Variants in MBNL1 observed in about 807,000 individuals in gnomAD.
MBNL1 encodes muscleblind-like protein 1.
In MBNL1, 8 loss-of-function variants were observed where a neutral mutation model predicts 42.2. That is an observed-to-expected ratio of 0.19 (90% confidence interval 0.11 to 0.34). The LOEUF is 0.34. MBNL1 is among the 10% of genes least tolerant of loss of function. The pLI is 1.00. For synonymous variants in MBNL1, 169 were observed against 173.9 expected (o/e 0.97, Z 0.22); for missense variants, 309 against 495.3 (o/e 0.62, Z 3.57).
chr3:152,306,272 C>T (rs566960964), intron 2 of MBNL1, among the ~76,000 whole-genome samples: 26 of 152,334 alleles, frequency 1.7e-4, no homozygotes, highest in African/African-American at 6.3e-4. Flanking sequence ...CTACCCTCCC[C>T]AGCATTTGGT....
rs558363288 is a variant in MBNL1, at chr3:152,411,536, A to G, written c.175-3405A>G. On this transcript the variant is annotated intron_variant, in intron 2 of 9. Transcript: ENST00000324210. ...CTCCGTCTCAAAAACAAAACAAAAC[A>G]AAAAAAACTGAAGACATATTTATAT... Among the ~76,000 whole-genome samples the G allele has an allele frequency of 1.5e-3, 221 of 152,096 alleles. 1 individual carries two copies. Among genetic ancestry groups the G allele is most frequent in the Admixed American group, 3.3e-3 (50 of 15,256 alleles).
intron 2 of MBNL1, among the ~76,000 whole-genome samples, chr3:152,332,737 T>TGCGCGC (rs1410406495): frequency 1.1e-3 from 115 of 104,718 alleles, no homozygotes; most frequent in East Asian, 2.3e-3. Flanking sequence ...TGTGTGTGTG[T>TGCGCGC]GTGCGCGCGC....
intron 1 of MBNL1, among the ~76,000 whole-genome samples, chr3:152,285,321 G>GT (rs1192591733): frequency 6.6e-6 from 1 of 152,188 alleles, no homozygotes; most frequent in African/African-American, 2.4e-5. Context: ...CGTGAATGAA[G>GT]TTTTACATTT....
At chr3:152,414,699 A>G (rs73154190) in intron 2 of MBNL1, among the ~76,000 whole-genome samples, 5 of 152,326 alleles carry the variant, frequency 3.3e-5, no homozygotes, top group African/African-American at 4.8e-5. Flanking sequence ...TAATGCTAAT[A>G]TTATTAAAAT....
At chr3:152,322,616 G>A (rs2077096887) in intron 2 of MBNL1, among the ~76,000 whole-genome samples, 1 of 151,882 alleles carries the variant, frequency 6.6e-6, no homozygotes, top group African/African-American at 2.4e-5. Context: ...TAACAAGATT[G>A]GTATGAGTTA....
chr3:152,460,185 T>C (rs1272276269), intron 9 of MBNL1, among the ~76,000 whole-genome samples: 1 of 151,600 alleles, frequency 6.6e-6, no homozygotes, highest in Non-Finnish European at 1.5e-5. Context: ...GCCCAGGAGG[T>C]TGAGGCTGCA....
intron 2 of MBNL1, among the ~76,000 whole-genome samples, chr3:152,369,448 A>G (rs2096567384): frequency 1.3e-5 from 2 of 152,190 alleles, no homozygotes; most frequent in South Asian, 4.1e-4. Flanking sequence ...GAAGTTCATC[A>G]GGGATATTGG....
intron 2 of MBNL1, among the ~76,000 whole-genome samples, chr3:152,392,219 A>G (rs906832160): frequency 7.2e-5 from 11 of 152,258 alleles, no homozygotes; most frequent in African/African-American, 2.6e-4. Flanking sequence ...GGGTCTTAAT[A>G]TTTTTTTAAA....
At chr3:152,424,566 A>G (rs552122197) in intron 3 of MBNL1, among the ~76,000 whole-genome samples, 45 of 152,198 alleles carry the variant, frequency 3.0e-4, no homozygotes, top group Admixed American at 2.8e-3. Context: ...AGAATTAGAA[A>G]AAAAAAAAAA....
chr3:152,369,545 C>G (rs1473237356), intron 2 of MBNL1, among the ~76,000 whole-genome samples: 1 of 151,974 alleles, frequency 6.6e-6, no homozygotes, highest in East Asian at 1.9e-4. Flanking sequence ...ATGGAGGAGT[C>G]CCTCTTTTTA....
intron 2 of MBNL1, among the ~76,000 whole-genome samples, chr3:152,351,178 C>A (rs536355296): frequency 2.0e-5 from 3 of 151,580 alleles, no homozygotes; most frequent in Admixed American, 6.6e-5. Flanking sequence ...GAAGTTGTAA[C>A]TATAATTCAT....
intron 2 of MBNL1, among the ~76,000 whole-genome samples, chr3:152,361,240 A>G (rs1362734493): frequency 1.3e-5 from 2 of 152,086 alleles, no homozygotes; most frequent in Non-Finnish European, 2.9e-5. Flanking sequence ...TCTTACCCTT[A>G]AAGAATCTCA....
At chr3:152,289,064 C>T (rs2054311225) in intron 1 of MBNL1, among the ~76,000 whole-genome samples, 1 of 151,432 alleles carries the variant, frequency 6.6e-6, no homozygotes. Flanking sequence ...GGTGGAAGTA[C>T]ATATTCGTAA....
At chr3:152,434,134 G>T (rs2099046688) in intron 4 of MBNL1, among the ~76,000 whole-genome samples, 1 of 152,060 alleles carries the variant, frequency 6.6e-6, no homozygotes, top group Non-Finnish European at 1.5e-5. Flanking sequence ...TTGGTGTAGA[G>T]ATTATTTCAT....
At chr3:152,386,993 TAA>T (rs1275247437) in intron 2 of MBNL1, among the ~76,000 whole-genome samples, 1 of 152,136 alleles carries the variant, frequency 6.6e-6, no homozygotes, top group Non-Finnish European at 1.5e-5. Context: ...TGCAGTGTTG[TAA>T]AAATAGATTA....
In MBNL1 at chr3:152,270,565, G is replaced by A. The variant is rs189527303; in HGVS notation, c.-790+1473G>A. Among the ~76,000 whole-genome samples the A allele has an allele frequency of 3.9e-5, 6 of 152,186 alleles. No homozygotes were observed. The East Asian group carries it at 9.7e-4, about 25-fold the overall frequency. Reference sequence around the variant, plus strand: ...AAATATTATCACCCAGAGAGAAAATGAAAGTTCAACGACTGTAAAATTTAT... The same window carrying A: ...AAATATTATCACCCAGAGAGAAAATAAAAGTTCAACGACTGTAAAATTTAT... On this transcript the variant is annotated intron_variant, in intron 1 of 9. Coordinates refer to ENST00000324210, the MANE Select transcript of MBNL1 (RefSeq NM_021038.5).
At chr3:152,442,174 A>C (rs954512965) in intron 4 of MBNL1, among the ~76,000 whole-genome samples, 4 of 152,202 alleles carry the variant, frequency 2.6e-5, no homozygotes, top group Non-Finnish European at 4.4e-5. Flanking sequence ...ATAATGAAAA[A>C]TGCCTATAGT....
At chr3:152,342,792 T>G (rs2093575375) in intron 2 of MBNL1, among the ~76,000 whole-genome samples, 1 of 152,172 alleles carries the variant, frequency 6.6e-6, no homozygotes, top group African/African-American at 2.4e-5. Context: ...TTAACCCCTC[T>G]GAGGTTCGTT....
chr3:152,258,207 A>G (rs370610709), intron 2 of MBNL1, among the ~76,000 whole-genome samples: 2 of 152,180 alleles, frequency 1.3e-5, no homozygotes, highest in African/African-American at 4.8e-5. Context: ...CATATTCTGT[A>G]TTTTAAAATT....
Sources: allele counts gnomAD v4.1 joint callset (sites outside exome capture counted in the v4.1 genomes callset), GRCh38; gene constraint gnomAD v4.1.1; transcripts MANE v1.5; gene names NCBI Gene and HGNC (gene_info 2026-07-23, HGNC 2026-07-21).